The following ANTXR2 variants were observed in gnomAD, a reference collection of about 807,000 sequenced individuals.
The protein encoded by ANTXR2 is anthrax toxin receptor 2.
ANTXR2 carries 44 observed loss-of-function variants against 73.7 expected under a neutral mutation model. The ratio of observed to expected loss-of-function variants is 0.60; its 90% confidence interval spans 0.47 to 0.77. The LOEUF is 0.77. ANTXR2 is among the 30% of genes least tolerant of loss of function. ANTXR2 has a pLI of 0.00. For synonymous variants in ANTXR2, 217 were observed against 205.9 expected (o/e 1.05, Z -0.46); for missense variants, 604 against 592.5 (o/e 1.02, Z -0.20).
chr4:80,065,866 T>C (rs947382566), intron 3 of ANTXR2, among the ~76,000 whole-genome samples: 1 of 152,230 alleles, frequency 6.6e-6, no homozygotes, highest in African/African-American at 2.4e-5. Context: ...TTTGGTTTTC[T>C]TTGCTTAACC....
At position 80,055,485 on chromosome 4, in the gene ANTXR2, T is replaced by C; in HGVS notation, c.379-18A>G. 14 of 1,577,356 alleles carry C rather than the reference T, an allele frequency of 8.9e-6. No individual in the cohort carries two copies. Among genetic ancestry groups the C allele is most frequent in the Non-Finnish European group, 1.2e-5 (14 of 1,150,858 alleles). On this transcript the variant is annotated intron_variant, in intron 4 of 16. Coordinates refer to ENST00000403729, the MANE Select transcript of ANTXR2 (RefSeq NM_058172.6). ...TCATTCGCCTGAAAATGAAGAATAA[T>C]TATCCAACTCACAATTTAATTTTAA...
intron 3 of ANTXR2, among the ~76,000 whole-genome samples, chr4:80,061,241 G>A (rs1290970156): frequency 6.6e-6 from 1 of 151,650 alleles, no homozygotes; most frequent in African/African-American, 2.4e-5. Flanking sequence ...TAAATCGTAG[G>A]CCTAGACCCA....
chr4:79,907,304 A>G lies in ANTXR2; in HGVS notation c.*125T>C. 9.7e-7 allele frequency: 1 copy of G among 1,026,642 alleles called. No homozygotes were observed. The highest frequency in any genetic ancestry group is 1.5e-6 in the Non-Finnish European group (1 of 672,034). 63.6% of individuals were successfully genotyped at this position (1,026,642 alleles called of 1,614,324 possible). A position where few individuals can be genotyped will look rare whatever the true frequency, so the allele number is the denominator to read the frequency against. On this transcript the variant is annotated 3_prime_UTR_variant, in exon 17 of 17. Transcript: ENST00000403729. ...CAGAAGGCAGAGAAAACATTTCCCG[A>G]CTGAGAGGAATTAAGCTGCTCTTCC...
intron 16 of ANTXR2, among the ~76,000 whole-genome samples, chr4:79,962,424 T>C (rs1257057622): frequency 1.3e-5 from 2 of 152,106 alleles, no homozygotes; most frequent in Admixed American, 6.5e-5. Flanking sequence ...AAATGGAATA[T>C]GATGGTATTT....
chr4:79,934,617 T>C (rs910326621), intron 16 of ANTXR2, among the ~76,000 whole-genome samples: 1 of 151,742 alleles, frequency 6.6e-6, no homozygotes, highest in African/African-American at 2.4e-5. Context: ...ATTTATAAAA[T>C]ATGGAAAGTA....
chr4:80,016,014 C>T (rs1731851137), intron 11 of ANTXR2, among the ~76,000 whole-genome samples: 1 of 149,000 alleles, frequency 6.7e-6, no homozygotes, highest in Non-Finnish European at 1.5e-5. Flanking sequence ...AGGGAGAGGT[C>T]GGTCCTGACA....
At chr4:79,935,100 A>C (rs1020687758) in intron 16 of ANTXR2, among the ~76,000 whole-genome samples, 10 of 152,170 alleles carry the variant, frequency 6.6e-5, no homozygotes, top group African/African-American at 1.7e-4. Context: ...TAAAAAAAAA[A>C]AACAACTGAA....
rs759721990 is a variant in ANTXR2 at position 80,072,512 on chromosome 4, G to A, written c.49C>T (p.Pro17Ser). The change falls in exon 1 of 17, where the codon CCC (proline) becomes TCC (serine). Residue 17 changes from proline (P) to serine (S), a missense_variant. Pro to Ser is a moderately conservative substitution (Grantham distance 74). Coordinates refer to ENST00000403729, the MANE Select transcript of ANTXR2 (RefSeq NM_058172.6). ...CTGAGCACCAACAGCCACAGCCCGG[G>A]GAACAGCCAGCTCCCGGGGCTGCGG... ...PARSPGSWLFPGLWLLVLSGP... is the reference protein window; with the variant it reads ...PARSPGSWLFSGLWLLVLSGP... 6.5e-5 allele frequency: 104 copies of A among 1,603,868 alleles called. No individual in the cohort carries two copies. In the South Asian group the frequency reaches 8.7e-4, roughly 13 times the overall value.
rs191165337 is a variant in ANTXR2, at chr4:80,003,121, T to C, written c.1041+5400A>G. ...AAAGACATATGCACACGTATGTTTA[T>C]TGCGGCACTACACACAATAGCAAAG... On this transcript the variant is annotated intron_variant, in intron 12 of 16. Transcript: ENST00000403729. Among the ~76,000 whole-genome samples the C allele has an allele frequency of 4.6e-5, 7 of 152,218 alleles. No homozygotes were observed. The East Asian group carries it at 9.7e-4, about 21-fold the overall frequency.
intron 16 of ANTXR2, among the ~76,000 whole-genome samples, chr4:79,907,746 T>G (rs917319127): frequency 3.3e-5 from 5 of 152,164 alleles, no homozygotes; most frequent in African/African-American, 1.2e-4. Flanking sequence ...ACAGCATTAC[T>G]ATCACGGCCA....
chr4:79,910,507 C>CAAAAAAAAAAAAAAGAAAAAAAAAA (rs1727085238), intron 16 of ANTXR2, among the ~76,000 whole-genome samples: 1 of 95,652 alleles, frequency 1.0e-5, no homozygotes, highest in African/African-American at 4.1e-5. Context: ...GACTCCGTCT[C>CAAAAAAAAAAAAAAGAAAAAAAAAA]AAAAAAAAAA....
chr4:80,010,551 T>C (rs1236822752), intron 11 of ANTXR2, among the ~76,000 whole-genome samples: 5 of 152,156 alleles, frequency 3.3e-5, no homozygotes, highest in South Asian at 2.1e-4. Context: ...GTTTCCCCTT[T>C]TCTTAGAATT....
At position 79,961,630 on chromosome 4, in the gene ANTXR2, G is replaced by T. The variant is rs189262892; in HGVS notation, c.1428+15991C>A. Reference sequence around the variant, plus strand: ...TTTGTTTGTATTTTTTGTAGAGACGGGGTCTCCCTATGTTGCCCAGGCTGG... The same window carrying T: ...TTTGTTTGTATTTTTTGTAGAGACGTGGTCTCCCTATGTTGCCCAGGCTGG... On this transcript the variant is annotated intron_variant, in intron 16 of 16. Transcript: ENST00000403729. Among the ~76,000 whole-genome samples the T allele has an allele frequency of 1.4e-3, 211 of 152,032 alleles. 1 individual carries two copies. The highest frequency in any genetic ancestry group is 4.7e-3 in the African/African-American group (197 of 41,494).
chr4:80,031,542 A>C, intron 10 of ANTXR2, 81 bp downstream of exon 10: 1 of 1,109,804 alleles, frequency 9.0e-7, no homozygotes, highest in Non-Finnish European at 1.2e-6. Flanking sequence ...AGATAGAATA[A>C]AATGACCAAT....
intron 16 of ANTXR2, among the ~76,000 whole-genome samples, chr4:79,963,287 A>T (rs1283562348): frequency 6.6e-6 from 1 of 152,136 alleles, no homozygotes; most frequent in Non-Finnish European, 1.5e-5. Context: ...GTAGAGCCCA[A>T]AGCCTTTGCC....
intron 16 of ANTXR2, chr4:79,977,420 T>A: frequency 9.5e-7 from 1 of 1,053,250 alleles, no homozygotes; most frequent in Admixed American, 3.6e-5. Flanking sequence ...GAAAAGGGAA[T>A]GGTGTAAAAA....
At chr4:79,929,622 C>T (rs1727981312) in intron 16 of ANTXR2, among the ~76,000 whole-genome samples, 1 of 152,132 alleles carries the variant, frequency 6.6e-6, no homozygotes, top group Non-Finnish European at 1.5e-5. Flanking sequence ...ACAAGATTCT[C>T]AGCTGAGATA....
intron 8 of ANTXR2, among the ~76,000 whole-genome samples, chr4:80,035,065 G>A (rs1304800121): frequency 6.6e-6 from 1 of 152,118 alleles, no homozygotes; most frequent in African/African-American, 2.4e-5. Context: ...TTGTTATAAG[G>A]ATTAGGTAAA....
chr4:79,963,064 C>T (rs1171778403), intron 16 of ANTXR2, among the ~76,000 whole-genome samples: 2 of 152,068 alleles, frequency 1.3e-5, no homozygotes, highest in African/African-American at 4.8e-5. Context: ...CTCTACCATC[C>T]AGATGCTTAT....
Sources: gnomAD v4.1 joint callset for allele counts (sites outside exome capture counted in the v4.1 genomes callset) on GRCh38, gnomAD v4.1.1 for gene constraint, MANE v1.5 for transcripts, NCBI Gene and HGNC (gene_info 2026-07-23, HGNC 2026-07-21) for gene names.